The following KRABD3 variants were observed in gnomAD, a reference collection of about 807,000 sequenced individuals.
KRABD3 encodes the protein KRAB domain containing 3.
chr7:149,730,127 C>G, the KRABD3 span: 1 of 1,475,712 alleles, frequency 6.8e-7, no homozygotes, highest in Non-Finnish European at 9.0e-7. Context: ...TGACAGAGCA[C>G]TCTCTGGTCC....
the KRABD3 span, chr7:149,721,946 T>C: frequency 2.6e-6 from 1 of 377,530 alleles, no homozygotes; most frequent in Non-Finnish European, 5.0e-6. Flanking sequence ...GGGGTCTCAT[T>C]TTATTTTTAA....
At chr7:149,724,276 T>C in the KRABD3 span, among the ~76,000 whole-genome samples, 15 of 152,124 alleles carry the variant, frequency 9.9e-5, no homozygotes, top group Non-Finnish European at 2.2e-4. Flanking sequence ...ATCCTAATTA[T>C]ACCCACCCAG....
the KRABD3 span, chr7:149,722,359 G>A: frequency 6.4e-7 from 1 of 1,559,998 alleles, no homozygotes; most frequent in Non-Finnish European, 8.7e-7. Flanking sequence ...AACCAGATCT[G>A]GTGTGATTTT....
chr7:149,733,386 C>T, the KRABD3 span: 33 of 1,611,468 alleles, frequency 2.0e-5, no homozygotes, highest in African/African-American at 1.5e-4. Flanking sequence ...GCTGCCCTTG[C>T]GGAGAAGCTG....
the KRABD3 span, among the ~76,000 whole-genome samples, chr7:149,723,207 G>A: frequency 2.8e-4 from 42 of 152,304 alleles, no homozygotes; most frequent in African/African-American, 9.1e-4. Flanking sequence ...GGGACCCGAG[G>A]GGAAGAGCTG....
chr7:149,720,788 C>T, the KRABD3 span: 2 of 1,533,282 alleles, frequency 1.3e-6, no homozygotes, highest in Non-Finnish European at 1.8e-6. Flanking sequence ...GGTGTGAGTG[C>T]TGAGCAGCCG....
the KRABD3 span, chr7:149,733,806 T>G: frequency 6.2e-7 from 1 of 1,604,590 alleles, no homozygotes. Flanking sequence ...CACCCCCTCC[T>G]CGCACATACC....
the KRABD3 span, chr7:149,724,936 T>G: frequency 8.5e-7 from 1 of 1,172,754 alleles, no homozygotes; most frequent in Non-Finnish European, 1.2e-6. Context: ...GGGAAGCAGC[T>G]CTCAGCAGGG....
chr7:149,720,208 C>A, the KRABD3 span: 1 of 1,475,424 alleles, frequency 6.8e-7, no homozygotes, highest in Non-Finnish European at 9.2e-7. Flanking sequence ...TCAGCCTACT[C>A]AGTCCAGCCT....
At chr7:149,721,783 C>T in the KRABD3 span, 1 of 661,426 alleles carries the variant, frequency 1.5e-6, no homozygotes, top group South Asian at 1.5e-5. Flanking sequence ...TCACTGAGCA[C>T]TTTGTACACA....
At chr7:149,715,312 G>A in the KRABD3 span, 2 of 1,216,226 alleles carry the variant, frequency 1.6e-6, no homozygotes, top group Admixed American at 4.3e-5. Flanking sequence ...TTCGTTACAA[G>A]TTATCCTGGT....
chr7:149,728,794 G>A, the KRABD3 span: 3 of 1,160,924 alleles, frequency 2.6e-6, no homozygotes, highest in African/African-American at 3.1e-5. Context: ...AAACAGACCT[G>A]GGCAGAGCCT....
chr7:149,731,711 A>G, the KRABD3 span: 1 of 1,612,422 alleles, frequency 6.2e-7, no homozygotes, highest in Non-Finnish European at 8.5e-7. Context: ...CAGCTGGAGA[A>G]AAGGCCCAGG....
chr7:149,721,083 A>T, the KRABD3 span: 10 of 1,479,556 alleles, frequency 6.8e-6, no homozygotes, highest in Non-Finnish European at 9.1e-6. Flanking sequence ...GTGGGCTTGC[A>T]GGCACAGGCC....
At chr7:149,724,372 G>T in the KRABD3 span, among the ~76,000 whole-genome samples, 1 of 152,186 alleles carries the variant, frequency 6.6e-6, no homozygotes, top group African/African-American at 2.4e-5. Context: ...GTTGAGTCAG[G>T]TGTGCTGGCC....
the KRABD3 span, chr7:149,729,777 GCC>G: frequency 6.1e-6 from 6 of 985,384 alleles, no homozygotes; most frequent in Non-Finnish European, 7.2e-6. Flanking sequence ...CCCTAACTGA[GCC>G]CCACCCTTGG....
the KRABD3 span, chr7:149,719,719 G>C: frequency 6.4e-7 from 1 of 1,568,698 alleles, no homozygotes; most frequent in Non-Finnish European, 8.6e-7. This position sits in a 1 kb window ranked among gnomAD's most constrained non-coding sequence, Gnocchi z 5.6. Context: ...CTGGTGGGCG[G>C]TGGAAGGGAG....
chr7:149,721,451 C>T, the KRABD3 span: 9 of 1,612,848 alleles, frequency 5.6e-6, no homozygotes, highest in East Asian at 2.2e-5. Flanking sequence ...TACCAGCCAG[C>T]CCCACCTGGC....
chr7:149,720,523 G>A, the KRABD3 span, among the ~76,000 whole-genome samples: 571 of 152,382 alleles, frequency 3.7e-3, 3 homozygotes, highest in African/African-American at 0.013. Flanking sequence ...GAAAGGCAGA[G>A]GGCCCAGATG....
Sources: gnomAD v4.1 joint callset for allele counts (sites outside exome capture counted in the v4.1 genomes callset) on GRCh38, gnomAD v4.1.1 for gene constraint, Gnocchi (gnomAD v3.1) non-coding constraint, MANE v1.5 for transcripts, NCBI Gene and HGNC (gene_info 2026-07-23, HGNC 2026-07-21) for gene names.